Variants in PDE1C observed in about 807,000 individuals in gnomAD.
PDE1C encodes the protein dual specificity calcium/calmodulin-dependent 3',5'-cyclic nucleotide phosphodiesterase 1C.
In PDE1C, 62 loss-of-function variants were observed where a neutral mutation model predicts 93.1. The ratio of observed to expected loss-of-function variants is 0.67; its 90% CI spans 0.54 to 0.82. PDE1C has a LOEUF of 0.82. Among genes scored for constraint, PDE1C ranks in the 40% least tolerant of loss-of-function variants. The probability of loss-of-function intolerance (pLI) is 0.00; values close to 1 mark genes in which losing one functional copy is unlikely to be tolerated. For synonymous variants in PDE1C, 325 were observed against 310.1 expected (o/e 1.05, Z -0.50); for missense variants, 742 against 884.6 (o/e 0.84, Z 2.04).
At chr7:31,942,665 G>A (rs564772520) in intron 2 of PDE1C, among the ~76,000 whole-genome samples, 1 of 152,248 alleles carries the variant, frequency 6.6e-6, no homozygotes, top group Non-Finnish European at 1.5e-5. Context: ...CAAGAAGCAG[G>A]TGATAATTAC....
At chr7:31,746,390 G>C (rs1051797858), downstream of PDE1C, among the ~76,000 whole-genome samples, 5 of 152,180 alleles carry the variant, frequency 3.3e-5, no homozygotes, top group Non-Finnish European at 7.3e-5. Context: ...CTGTACAAGA[G>C]CTGCAGGAGA....
At chr7:31,890,805 A>T (rs918497244) in intron 2 of PDE1C, among the ~76,000 whole-genome samples, 3 of 151,434 alleles carry the variant, frequency 2.0e-5, no homozygotes, top group African/African-American at 7.4e-5. Flanking sequence ...AGATTAACTC[A>T]AGAAAAATTA....
At chr7:32,187,519 G>A (rs969766187) in intron 2 of PDE1C, among the ~76,000 whole-genome samples, 2 of 151,992 alleles carry the variant, frequency 1.3e-5, no homozygotes, top group Non-Finnish European at 2.9e-5. Flanking sequence ...TCACTGTTAA[G>A]AATTATGATG....
At chr7:32,339,504 T>C (rs1783704050) in intron 1 of PDE1C, among the ~76,000 whole-genome samples, 1 of 152,220 alleles carries the variant, frequency 6.6e-6, no homozygotes, top group South Asian at 2.1e-4. Flanking sequence ...ACATTTTACA[T>C]TATGCATATT....
the PDE1C span, chr7:31,642,105 A>G: frequency 9.6e-6 from 10 of 1,045,398 alleles, no homozygotes; most frequent in Non-Finnish European, 1.4e-5. Context: ...AGGCACCTAG[A>G]GGGGTTGATC....
At position 32,205,557 on chromosome 7, in the gene PDE1C, C is replaced by T. The variant is rs143941482; in HGVS notation, c.136+3932G>A. ...TCAGCACTCTGTAAAATGGACCAAT[C>T]AGCAGGATGTGGGTGGAGCCAAAAA... On this transcript the variant is annotated intron_variant, in intron 2 of 18. Coordinates refer to the PDE1C transcript ENST00000396193. Among the ~76,000 whole-genome samples the T allele has an allele frequency of 9.5e-3, 1,451 of 152,068 alleles. 32 individuals carry two copies. Among genetic ancestry groups the T allele is most frequent in the African/African-American group, 0.033 (1,360 of 41,510 alleles).
chr7:31,925,839 A>G (rs1803303215), intron 2 of PDE1C, among the ~76,000 whole-genome samples: 1 of 152,190 alleles, frequency 6.6e-6, no homozygotes, highest in Non-Finnish European at 1.5e-5. Context: ...GAATTTTCCA[A>G]TAAAATTAGT....
At chr7:31,981,882 G>A (rs1812427475) in intron 2 of PDE1C, among the ~76,000 whole-genome samples, 1 of 152,220 alleles carries the variant, frequency 6.6e-6, no homozygotes, top group South Asian at 2.1e-4. Flanking sequence ...ATATCTTACA[G>A]ACGAAGTTAA....
intron 1 of PDE1C, among the ~76,000 whole-genome samples, chr7:32,052,828 T>C (rs1282234828): frequency 6.6e-6 from 1 of 152,200 alleles, no homozygotes; most frequent in Non-Finnish European, 1.5e-5. Context: ...TCTATTTACC[T>C]GAAAGGAGAC....
chr7:31,763,919 T>G (rs956270164), intron 17 of PDE1C, among the ~76,000 whole-genome samples: 1 of 151,424 alleles, frequency 6.6e-6, no homozygotes, highest in Non-Finnish European at 1.5e-5. Flanking sequence ...ATACACCACT[T>G]TGATTCACAA....
chr7:32,246,247 G>A (rs988727422), intron 1 of PDE1C, among the ~76,000 whole-genome samples: 1 of 152,132 alleles, frequency 6.6e-6, no homozygotes, highest in Non-Finnish European at 1.5e-5. Flanking sequence ...GGGATTACAG[G>A]CGTGAGCCAC....
intron 16 of PDE1C, among the ~76,000 whole-genome samples, chr7:31,777,087 C>T (rs889289797): frequency 1.3e-5 from 2 of 151,168 alleles, no homozygotes; most frequent in African/African-American, 4.9e-5. Flanking sequence ...CACATGTATA[C>T]ATATGTAACA....
At position 32,379,497 on chromosome 7, in the gene PDE1C, G is replaced by C. The variant is rs145102777; in HGVS notation, c.310+48325C>G. Among the ~76,000 whole-genome samples the C allele has an allele frequency of 9.1e-3, 1,380 of 152,236 alleles. 11 individuals carry two copies. Among genetic ancestry groups the C allele is most frequent in the Non-Finnish European group, 0.013 (900 of 68,008 alleles). On this transcript the variant is annotated intron_variant, in intron 1 of 1. Coordinates refer to the PDE1C transcript ENST00000672256. ...CATGCTTTCTGATTGTCAGTTCCCA[G>C]CAATGCTGAAAAAAGCAGCCCAATT... is the stretch of plus-strand genomic sequence containing the variant.
intron 3 of PDE1C, among the ~76,000 whole-genome samples, chr7:32,114,731 T>C: frequency 6.6e-6 from 1 of 152,196 alleles, no homozygotes; most frequent in East Asian, 1.9e-4. Context: ...AAAGGTCTAA[T>C]ATCTAGAATC....
At chr7:32,134,906 C>A (rs1800118607) in intron 3 of PDE1C, among the ~76,000 whole-genome samples, 1 of 152,052 alleles carries the variant, frequency 6.6e-6, no homozygotes, top group Admixed American at 6.6e-5. Flanking sequence ...GCACATGTAT[C>A]CCAGAACTTA....
the PDE1C span, among the ~76,000 whole-genome samples, chr7:31,732,677 T>TGTGA: frequency 1.4e-5 from 2 of 144,380 alleles, no homozygotes. Flanking sequence ...TGTGTGTGTG[T>TGTGA]GACTGGTCTG....
At chr7:32,171,255 C>T (rs1034084195) in intron 2 of PDE1C, among the ~76,000 whole-genome samples, 2 of 152,058 alleles carry the variant, frequency 1.3e-5, no homozygotes, top group Non-Finnish European at 2.9e-5. Flanking sequence ...CCAATCTAGC[C>T]ATGGAGAAAA....
At chr7:31,623,449 T>C in the PDE1C span, among the ~76,000 whole-genome samples, 24 of 151,562 alleles carry the variant, frequency 1.6e-4, no homozygotes, top group Non-Finnish European at 4.4e-5. Flanking sequence ...GCTGGTTCAA[T>C]ATACGCAAAT....
intron 3 of PDE1C, among the ~76,000 whole-genome samples, chr7:32,084,114 G>A (rs370391635): frequency 1.1e-4 from 17 of 152,156 alleles, no homozygotes; most frequent in African/African-American, 2.9e-4. Context: ...CCCATCTCAC[G>A]TGCAGAGACA....
Sources: gnomAD v4.1 joint callset for allele counts (sites outside exome capture counted in the v4.1 genomes callset) on GRCh38, gnomAD v4.1.1 for gene constraint, MANE v1.5 for transcripts, NCBI Gene and HGNC (gene_info 2026-07-23, HGNC 2026-07-21) for gene names.